Variants in RGL1 observed in about 807,000 individuals in gnomAD.
RGL1 encodes the protein ral guanine nucleotide dissociation stimulator like 1.
Under a neutral mutation model 95.2 loss-of-function variants are expected in RGL1, and 24 were observed. The ratio of observed to expected loss-of-function variants is 0.25; its 90% CI spans 0.18 to 0.35. The LOEUF (loss-of-function observed/expected upper bound fraction) is 0.35. Among genes scored for constraint, RGL1 ranks in the 10% least tolerant of loss-of-function variants. The pLI is 1.00. For synonymous variants in RGL1, 329 were observed against 344.9 expected, an observed-to-expected ratio of 0.95 and a Z score of 0.51; for missense variants, 715 against 936.3, an observed-to-expected ratio of 0.76 and a Z score of 3.08.
chr1:183,821,271 CA>C (rs1445541756), intron 2 of RGL1, among the ~76,000 whole-genome samples: 5 of 152,114 alleles, frequency 3.3e-5, no homozygotes, highest in African/African-American at 9.7e-5. Context: ...CCTTACTTTT[CA>C]AAATGCAGCT....
intron 8 of RGL1, among the ~76,000 whole-genome samples, chr1:183,889,040 G>C (rs1219167706): frequency 6.6e-6 from 1 of 152,012 alleles, no homozygotes; most frequent in Non-Finnish European, 1.5e-5. Context: ...CTATCTTATT[G>C]GCATTAAAAA....
chr1:183,684,530 G>A (rs1653440695), intron 1 of RGL1, among the ~76,000 whole-genome samples: 2 of 152,198 alleles, frequency 1.3e-5, no homozygotes, highest in Admixed American at 1.3e-4. Flanking sequence ...TGGGCTTCAT[G>A]GGGGTGGGAT....
At position 183,904,966 on chromosome 1, in the gene RGL1, G is replaced by A. The variant is rs779758425; in HGVS notation, c.1467G>A (p.Glu489=). The change falls in exon 13 of 18, where the codon GAG becomes GAA. Residue 489 remains glutamate, a synonymous_variant. Coordinates refer to ENST00000360851, the MANE Select transcript of RGL1 (RefSeq NM_001297671.3). ...AGAGGCAGCAGCTCCTGACAGAGGA[G>A]GAGAGGTGGGATCACCTGTCGTTCA... ...WFQRQQLLTE[E]ESYALSCEIE... is the part of the protein sequence containing the mutation. 14 of 1,611,432 alleles carry A rather than the reference G, an allele frequency of 8.7e-6. No individual in the cohort carries two copies. In the East Asian group the frequency reaches 2.9e-4, roughly 33 times the overall value.
chr1:183,788,486 C>A (rs970058308), intron 2 of RGL1, among the ~76,000 whole-genome samples: 4 of 152,186 alleles, frequency 2.6e-5, no homozygotes, highest in African/African-American at 9.7e-5. Flanking sequence ...CAGAGACATA[C>A]CTAGAAACAA....
At chr1:183,650,924 T>G (rs1446857592) in intron 1 of RGL1, among the ~76,000 whole-genome samples, 1 of 152,192 alleles carries the variant, frequency 6.6e-6, no homozygotes, top group African/African-American at 2.4e-5. Flanking sequence ...CTTATTGGTC[T>G]GTGGTATTTA....
chr1:183,916,723 A>G (rs1397287572), intron 16 of RGL1, 22 bp downstream of exon 16: 1 of 1,602,010 alleles, frequency 6.2e-7, no homozygotes. Flanking sequence ...GCCCTGACCC[A>G]GGAGCGGGTT....
At chr1:183,897,056 C>A (rs1486850296) in intron 9 of RGL1, among the ~76,000 whole-genome samples, 1 of 152,254 alleles carries the variant, frequency 6.6e-6, no homozygotes, top group East Asian at 1.9e-4. Context: ...AATGCTGGCA[C>A]ATCCATTTCA....
chr1:183,715,375 G>T (rs1010393157), intron 1 of RGL1, among the ~76,000 whole-genome samples: 1 of 151,946 alleles, frequency 6.6e-6, no homozygotes, highest in African/African-American at 2.4e-5. Flanking sequence ...TTGGTGAACT[G>T]ATTGTTGGTG....
Position 183,805,966 on chromosome 1 carries a change from CTTTTCTTTTTTTTTTTTTTTTTTTTTT to C in RGL1, c.28-404_28-378del, listed in dbSNP as rs1661279652. Among the ~76,000 whole-genome samples, 15 of 28,392 alleles carry C rather than the reference CTTTTCTTTTTTTTTTTTTTTTTTTTTT, an allele frequency of 5.3e-4. No homozygotes were observed. In the South Asian group the frequency reaches 7.6e-3, roughly 14 times the overall value. 18.6% of individuals were successfully genotyped at this position (28,392 alleles called of 152,430 possible). ...CTTTTTTTCTTTTTCTTTTTCTTTT[CTTTTCTTTTTTTTTTTTTTTTTTTTTT>C]TTTTTTTTTTTTTTTTTTACAAAGA... On this transcript the variant is annotated intron_variant, in intron 1 of 17. Coordinates refer to ENST00000360851, the MANE Select transcript of RGL1 (RefSeq NM_001297671.3).
At chr1:183,869,624 G>GT (rs915849230) in intron 4 of RGL1, among the ~76,000 whole-genome samples, 20 of 151,976 alleles carry the variant, frequency 1.3e-4, no homozygotes, top group Non-Finnish European at 2.5e-4. Flanking sequence ...CTTTCTCACT[G>GT]TTTTTTCCCC....
intron 2 of RGL1, among the ~76,000 whole-genome samples, chr1:183,784,777 CT>C (rs1221407371): frequency 6.6e-6 from 1 of 152,098 alleles, no homozygotes. Flanking sequence ...TTAATTGGAG[CT>C]GTATTTCAGG....
At chr1:183,776,235 G>A (rs1335603095) in intron 2 of RGL1, among the ~76,000 whole-genome samples, 3 of 138,368 alleles carry the variant, frequency 2.2e-5, no homozygotes, top group East Asian at 2.3e-4. Flanking sequence ...TGCAAGCTCC[G>A]CCTCCCGGGT....
rs1667785514 is a variant in RGL1, at chr1:183,897,749, AC to A, written c.1141-58del. ...TGTGCGAGAAACTAGATGCCTCTTT[AC>A]TTCTTACCATTGTGGCATCCTGTAT... On this transcript the variant is annotated intron_variant, in intron 9 of 17. Coordinates refer to ENST00000360851, the MANE Select transcript of RGL1 (RefSeq NM_001297671.3). The A allele has an allele frequency of 3.1e-6, 4 of 1,289,712 alleles. No individual in the cohort carries two copies. The South Asian group carries it at 4.8e-5, about 16-fold the overall frequency. The allele number at this position is 1,289,712 out of a possible 1,614,324, so 79.9% of individuals were successfully genotyped here.
At chr1:183,767,790 T>C (rs2102322172) in intron 2 of RGL1, among the ~76,000 whole-genome samples, 1 of 152,162 alleles carries the variant, frequency 6.6e-6, no homozygotes, top group South Asian at 2.1e-4. Flanking sequence ...CCATCTCTAC[T>C]AAAAATACAA....
At chr1:183,721,051 C>G (rs961962339) in intron 1 of RGL1, among the ~76,000 whole-genome samples, 1 of 152,144 alleles carries the variant, frequency 6.6e-6, no homozygotes, top group African/African-American at 2.4e-5. Flanking sequence ...ATGTATGGAG[C>G]TGAAAGTGAT....
chr1:183,650,494 C>T (rs1044307111), intron 1 of RGL1, among the ~76,000 whole-genome samples: 1 of 152,094 alleles, frequency 6.6e-6, no homozygotes, highest in Non-Finnish European at 1.5e-5. Flanking sequence ...AGTGAGCCAA[C>T]ATCCCACCAC....
intron 1 of RGL1, among the ~76,000 whole-genome samples, chr1:183,676,622 T>A (rs1485872627): frequency 6.6e-6 from 1 of 150,764 alleles, no homozygotes; most frequent in Non-Finnish European, 1.5e-5. Flanking sequence ...GTTAGCAGAA[T>A]GCACTTCACT....
chr1:183,873,581 T>C (rs1666310968), intron 4 of RGL1, among the ~76,000 whole-genome samples: 1 of 152,168 alleles, frequency 6.6e-6, no homozygotes, highest in Non-Finnish European at 1.5e-5. Flanking sequence ...GGATCTCGGA[T>C]ACTCAAGATT....
chr1:183,761,236 C>T (rs967048399), intron 2 of RGL1, among the ~76,000 whole-genome samples: 1 of 152,164 alleles, frequency 6.6e-6, no homozygotes, highest in Non-Finnish European at 1.5e-5. Flanking sequence ...TTATCTATGG[C>T]AGCTATAGCC....
Sources: allele counts gnomAD v4.1 joint callset (sites outside exome capture counted in the v4.1 genomes callset), GRCh38; gene constraint gnomAD v4.1.1; transcripts MANE v1.5; gene names NCBI Gene and HGNC (gene_info 2026-07-23, HGNC 2026-07-21).